The following KLRC1 variants were observed in gnomAD, a reference collection of about 807,000 sequenced individuals.
KLRC1 encodes the protein NKG2-A/NKG2-B type II integral membrane protein.
A neutral mutation model predicts 25.9 loss-of-function variants in KLRC1; 22 were observed. The observed-to-expected ratio is 0.85, with a 90% CI of 0.61 to 1.21. The LOEUF (loss-of-function observed/expected upper bound fraction) is 1.21. Among genes scored for constraint, KLRC1 ranks in the 50% most tolerant of loss-of-function variants. The pLI is 0.00. For missense variants in KLRC1, 240 were observed against 272.2 expected (o/e 0.88, Z 0.83); for synonymous variants, 77 against 93.1 (o/e 0.83, Z 0.99).
chr12:10,450,053 ATTAT>A, intron 3 of KLRC1, 86 bp from the exon 4 acceptor site: 1 of 1,080,574 alleles, frequency 9.3e-7, no homozygotes, highest in Non-Finnish European at 1.3e-6. Flanking sequence ...ATTTTTTTGT[ATTAT>A]TTAGAGTTAG....
chr12:10,447,025 TCTTGTG>T (rs1295621625), intron 6 of KLRC1, among the ~76,000 whole-genome samples: 1 of 152,208 alleles, frequency 6.6e-6, no homozygotes, highest in African/African-American at 2.4e-5. Flanking sequence ...ACAGCACTAC[TCTTGTG>T]CTTTGAGGAT....
At chr12:10,447,871 G>A (rs1162348885) in intron 5 of KLRC1, among the ~76,000 whole-genome samples, 2 of 152,090 alleles carry the variant, frequency 1.3e-5, no homozygotes, top group African/African-American at 2.4e-5. Flanking sequence ...AACACAGTAA[G>A]GATTTAAATA....
At chr12:10,449,486 AC>A (rs1864074983) in intron 4 of KLRC1, 98 bp from the exon 5 acceptor site, 2 of 1,523,458 alleles carry the variant, frequency 1.3e-6, no homozygotes, top group South Asian at 2.6e-5. Context: ...TACGTATGCA[AC>A]ATATCTATAC....
At chr12:10,451,366 A>T in intron 1 of KLRC1, 179 bp from the exon 2 acceptor site, 1 of 416,718 alleles carries the variant, frequency 2.4e-6, no homozygotes, top group Non-Finnish European at 4.0e-6. Context: ...GTTTTAAAAA[A>T]AGATTTTTAG....
downstream of KLRC1, among the ~76,000 whole-genome samples, chr12:10,443,645 C>A (rs1255950702): frequency 1.1e-4 from 15 of 141,582 alleles, 2 homozygotes; most frequent in Admixed American, 3.5e-4. Context: ...GAACTAGACA[C>A]GTAGTTATCA....
At chr12:10,454,638 A>G, upstream of KLRC1, 1 of 985,266 alleles carries the variant, frequency 1.0e-6, no homozygotes, top group Non-Finnish European at 1.2e-6. Flanking sequence ...TGTCCTACAG[A>G]AGATACTAAA....
downstream of KLRC1, among the ~76,000 whole-genome samples, chr12:10,443,963 C>T (rs1220120577): frequency 6.6e-5 from 9 of 136,218 alleles, 1 homozygote; most frequent in African/African-American, 2.7e-4. Context: ...AGTTTACCTA[C>T]AATAGAAGTC....
At position 10,449,234 on chromosome 12, in the gene KLRC1, T is replaced by C. The variant is rs761465792; in HGVS notation, c.489+3A>G. The C allele has an allele frequency of 3.7e-6, 6 of 1,613,724 alleles. No homozygotes were observed. The Admixed American group carries it at 6.7e-5, about 18-fold the overall frequency. ...TAAAGTGTTTAAAACATTTACATCT[T>C]ACCATTTCTTCTTCATTATCTATAG... is the stretch of plus-strand genomic sequence containing the variant. On this transcript the variant is annotated splice_donor_region_variant and intron_variant, in intron 5 of 6. Coordinates refer to ENST00000359151, the MANE Select transcript of KLRC1 (RefSeq NM_002259.5).
downstream of KLRC1, among the ~76,000 whole-genome samples, chr12:10,443,865 T>C (rs190131416): frequency 1.4e-5 from 2 of 139,182 alleles, 1 homozygote; most frequent in African/African-American, 5.7e-5. Context: ...ATAAATAACA[T>C]ATAAAGCCAG....
In KLRC1 at chr12:10,453,314, GAACA is replaced by G; in HGVS notation, c.-152_-149del. 4 of 985,372 alleles carry G rather than the reference GAACA, an allele frequency of 4.1e-6. No homozygotes were observed. The highest frequency in any genetic ancestry group is 4.8e-6 in the Non-Finnish European group (4 of 829,882). 61.0% of individuals were successfully genotyped at this position (985,372 alleles called of 1,614,324 possible). A position where few individuals can be genotyped will look rare whatever the true frequency, so the allele number is the denominator to read the frequency against. Reference sequence around the variant, plus strand: ...ATTTAAAGGCATAAATCCAAGACAAGAACAAACAATGCCTGCAATCTTCGCAGAC... The same window carrying G: ...ATTTAAAGGCATAAATCCAAGACAAGAACAATGCCTGCAATCTTCGCAGAC... On this transcript the variant is annotated 5_prime_UTR_variant, in exon 1 of 7. Transcript: ENST00000359151.
chr12:10,449,651 A>G (rs1380337810), intron 4 of KLRC1, among the ~76,000 whole-genome samples: 3 of 152,202 alleles, frequency 2.0e-5, no homozygotes, highest in Non-Finnish European at 1.5e-5. Flanking sequence ...TGAAAAATCA[A>G]TGAACTAATC....
chr12:10,454,062 T>C (rs1360625127), upstream of KLRC1, among the ~76,000 whole-genome samples: 3 of 152,224 alleles, frequency 2.0e-5, no homozygotes, highest in Non-Finnish European at 2.9e-5. Flanking sequence ...ATAGAAATAT[T>C]TAGTTGTAAA....
chr12:10,452,351 T>C (rs1864143009), intron 1 of KLRC1, among the ~76,000 whole-genome samples: 3 of 152,160 alleles, frequency 2.0e-5, no homozygotes, highest in African/African-American at 7.2e-5. Context: ...GATAATGTAA[T>C]TAAATCATTT....
chr12:10,449,824 A>T, intron 4 of KLRC1, 90 bp downstream of exon 4: 1 of 1,095,944 alleles, frequency 9.1e-7, no homozygotes, highest in Non-Finnish European at 1.2e-6. Flanking sequence ...CAAATTTTAT[A>T]ATTTTTCACC....
At chr12:10,443,563 T>G (rs72475449), downstream of KLRC1, among the ~76,000 whole-genome samples, 11,771 of 141,292 alleles carry the variant, frequency 0.083, 2,573 homozygotes, top group South Asian at 0.3. Context: ...GTAACAATCA[T>G]AAATGGGATT....
At chr12:10,445,354 C>CA, downstream of KLRC1, among the ~76,000 whole-genome samples, 1 of 150,764 alleles carries the variant, frequency 6.6e-6, no homozygotes, top group East Asian at 1.9e-4. Flanking sequence ...ATTCCAACTG[C>CA]TACAAATTAA....
At chr12:10,448,487 T>C (rs982963617) in intron 5 of KLRC1, among the ~76,000 whole-genome samples, 1 of 152,182 alleles carries the variant, frequency 6.6e-6, no homozygotes, top group African/African-American at 2.4e-5. Context: ...AAGTACTTCC[T>C]TCTCATACCA....
At chr12:10,443,691 C>T (rs1262052023), downstream of KLRC1, among the ~76,000 whole-genome samples, 6 of 141,378 alleles carry the variant, frequency 4.2e-5, 1 homozygote, top group Non-Finnish European at 9.3e-5. Context: ...AGAATACTCA[C>T]ATATTTAATT....
chr12:10,449,826 T>G, intron 4 of KLRC1, 88 bp downstream of exon 4: 1 of 1,119,058 alleles, frequency 8.9e-7, no homozygotes, highest in Non-Finnish European at 1.2e-6. Flanking sequence ...AATTTTATAA[T>G]TTTTCACCCA....
Sources: gnomAD v4.1 joint callset for allele counts (sites outside exome capture counted in the v4.1 genomes callset) on GRCh38, gnomAD v4.1.1 for gene constraint, MANE v1.5 for transcripts, NCBI Gene and HGNC (gene_info 2026-07-23, HGNC 2026-07-21) for gene names.